MAF: variants seen among roughly 807,000 people sequenced by gnomAD.
MAF encodes MAF bZIP transcription factor, also known as transcription factor Maf.
MAF carries 10 observed loss-of-function variants against 22.0 expected under a neutral mutation model. That is an observed-to-expected ratio of 0.45 (90% confidence interval 0.28 to 0.77). The LOEUF (loss-of-function observed/expected upper bound fraction) is 0.77. MAF is among the 30% of genes least tolerant of loss of function. MAF has a pLI of 0.12. For synonymous variants in MAF, 337 were observed against 255.8 expected, an observed-to-expected ratio of 1.32 and a Z score of -3.03; for missense variants, 544 against 548.4, an observed-to-expected ratio of 0.99 and a Z score of 0.08.
At chr16:79,342,814 G>T in the MAF span, among the ~76,000 whole-genome samples, 1 of 152,110 alleles carries the variant, frequency 6.6e-6, no homozygotes, top group East Asian at 1.9e-4. Flanking sequence ...GACTAAAGAA[G>T]TTGCACAGAT....
At chr16:79,537,902 A>G in the MAF span, among the ~76,000 whole-genome samples, 1 of 152,298 alleles carries the variant, frequency 6.6e-6, no homozygotes, top group African/African-American at 2.4e-5. Context: ...TTCTCATGGT[A>G]TGCATGTGAC....
the MAF span, among the ~76,000 whole-genome samples, chr16:79,304,983 G>C: frequency 6.6e-6 from 1 of 152,172 alleles, no homozygotes; most frequent in Non-Finnish European, 1.5e-5. Context: ...AATTCAGAAT[G>C]GATGGCACAA....
chr16:79,513,511 T>C, the MAF span, among the ~76,000 whole-genome samples: 1 of 152,192 alleles, frequency 6.6e-6, no homozygotes. Flanking sequence ...AACTGTGCAG[T>C]TGAAGGCAAA....
chr16:79,276,125 T>C, the MAF span, among the ~76,000 whole-genome samples: 11 of 147,362 alleles, frequency 7.5e-5, no homozygotes, highest in African/African-American at 1.3e-4. Flanking sequence ...TGGGGACAGA[T>C]CAAGACTCCA....
the MAF span, among the ~76,000 whole-genome samples, chr16:79,448,533 A>T: frequency 6.6e-6 from 1 of 151,856 alleles, no homozygotes; most frequent in Non-Finnish European, 1.5e-5. Context: ...CCAGGCAATT[A>T]TCCTGTCTCA....
chr16:79,327,904 T>C, the MAF span, among the ~76,000 whole-genome samples: 3 of 152,244 alleles, frequency 2.0e-5, no homozygotes, highest in Non-Finnish European at 4.4e-5. Context: ...CACCATTTGA[T>C]CGCCAGAAAA....
the MAF span, among the ~76,000 whole-genome samples, chr16:79,215,336 G>A: frequency 7.2e-5 from 11 of 152,258 alleles, no homozygotes; most frequent in East Asian, 2.1e-3. Flanking sequence ...CCCATTACAG[G>A]CATGAACCAC....
At chr16:79,246,695 A>G in the MAF span, among the ~76,000 whole-genome samples, 1 of 152,216 alleles carries the variant, frequency 6.6e-6, no homozygotes, top group East Asian at 1.9e-4. Flanking sequence ...GGTGTCTTGG[A>G]ACATCAGTCA....
chr16:79,595,620 G>A, intron 1 of MAF: 2 of 1,058,190 alleles, frequency 1.9e-6, no homozygotes, highest in Non-Finnish European at 2.3e-6. Flanking sequence ...ACTAGTGAAG[G>A]TAGTTTTGAG....
At chr16:79,322,539 T>G in the MAF span, among the ~76,000 whole-genome samples, 1 of 152,202 alleles carries the variant, frequency 6.6e-6, no homozygotes, top group African/African-American at 2.4e-5. Context: ...ATACCTCCTA[T>G]GAGCCAGACA....
At chr16:79,205,392 G>T in the MAF span, 1 of 152,164 alleles carries the variant, frequency 6.6e-6, no homozygotes, top group African/African-American at 2.4e-5. Flanking sequence ...TTGTGAACCT[G>T]TTGCTAGCAA....
the MAF span, among the ~76,000 whole-genome samples, chr16:79,275,201 C>T: frequency 2.0e-5 from 3 of 152,050 alleles, no homozygotes; most frequent in Admixed American, 6.6e-5. Context: ...ACTAAAAATA[C>T]CCAAATTAGC....
chr16:79,290,558 G>A, the MAF span, among the ~76,000 whole-genome samples: 1 of 151,914 alleles, frequency 6.6e-6, no homozygotes, highest in East Asian at 2.0e-4. Flanking sequence ...ACCATGCTGC[G>A]ACGTGTGTGT....
At chr16:79,253,191 A>C in the MAF span, among the ~76,000 whole-genome samples, 1 of 152,102 alleles carries the variant, frequency 6.6e-6, no homozygotes, top group African/African-American at 2.4e-5. Context: ...GATGCTTAGA[A>C]CTTGGATCCT....
the MAF span, among the ~76,000 whole-genome samples, chr16:79,351,921 A>T: frequency 6.6e-6 from 1 of 152,060 alleles, no homozygotes; most frequent in African/African-American, 2.4e-5. Flanking sequence ...GACACCGAAA[A>T]AGCCAAGCCA....
At chr16:79,363,039 A>C in the MAF span, among the ~76,000 whole-genome samples, 3 of 152,078 alleles carry the variant, frequency 2.0e-5, no homozygotes, top group Non-Finnish European at 1.5e-5. Context: ...AACTGCCCTC[A>C]CTTCTTTCTT....
the MAF span, among the ~76,000 whole-genome samples, chr16:79,416,354 T>C: frequency 6.6e-6 from 1 of 152,188 alleles, no homozygotes; most frequent in African/African-American, 2.4e-5. Flanking sequence ...TGTCAACATG[T>C]TGGGAACACA....
chr16:79,289,981 T>G, the MAF span, among the ~76,000 whole-genome samples: 1 of 151,656 alleles, frequency 6.6e-6, no homozygotes, highest in African/African-American at 2.4e-5. Flanking sequence ...CTCAGCCTCC[T>G]GAGTAGTTGG....
the MAF span, among the ~76,000 whole-genome samples, chr16:79,438,981 G>A: frequency 6.6e-6 from 1 of 152,048 alleles, no homozygotes; most frequent in African/African-American, 2.4e-5. Flanking sequence ...CATCGAAAGA[G>A]CCATAATCAA....
Sources: allele counts gnomAD v4.1 joint callset (sites outside exome capture counted in the v4.1 genomes callset), GRCh38; gene constraint gnomAD v4.1.1; transcripts MANE v1.5; gene names NCBI Gene and HGNC (gene_info 2026-07-23, HGNC 2026-07-21).